The following PRKG1 variants were observed in gnomAD, a reference collection of about 807,000 sequenced individuals.
The protein encoded by PRKG1 is protein kinase cGMP-dependent 1.
PRKG1 carries 35 observed loss-of-function variants against 88.1 expected under a neutral mutation model. The ratio of observed to expected loss-of-function variants is 0.40; its 90% CI spans 0.30 to 0.53. PRKG1 has a LOEUF of 0.53. Among genes scored for constraint, PRKG1 ranks in the 20% least tolerant of loss-of-function variants. PRKG1 has a pLI of 0.59. For synonymous variants in PRKG1, 303 were observed against 292.5 expected (o/e 1.04, Z -0.37); for missense variants, 540 against 839.8 (o/e 0.64, Z 4.41).
chr10:51,191,637 A>T (rs1000300228), intron 2 of PRKG1, among the ~76,000 whole-genome samples: 6 of 151,794 alleles, frequency 4.0e-5, no homozygotes, highest in African/African-American at 1.2e-4. Context: ...GCCTTATCTT[A>T]TTTAATCCTC....
intron 3 of PRKG1, among the ~76,000 whole-genome samples, chr10:51,567,572 A>G (rs1417876730): frequency 6.6e-6 from 1 of 152,098 alleles, no homozygotes; most frequent in Non-Finnish European, 1.5e-5. Flanking sequence ...AATGCAATTA[A>G]CTGGTTATTT....
chr10:51,407,610 G>C (rs558813353), intron 2 of PRKG1, among the ~76,000 whole-genome samples: 2 of 152,284 alleles, frequency 1.3e-5, no homozygotes, highest in African/African-American at 4.8e-5. Flanking sequence ...TACCCATTCT[G>C]TATTGCCTTT....
intron 2 of PRKG1, among the ~76,000 whole-genome samples, chr10:51,350,160 A>G (rs1390316350): frequency 6.6e-6 from 1 of 152,212 alleles, no homozygotes; most frequent in African/African-American, 2.4e-5. Context: ...AGTTTCCACA[A>G]GTGGAGCTGG....
intron 3 of PRKG1, among the ~76,000 whole-genome samples, chr10:51,572,952 C>T (rs1837794837): frequency 6.6e-6 from 1 of 151,818 alleles, no homozygotes; most frequent in African/African-American, 2.4e-5. Flanking sequence ...TGTAACACAG[C>T]TCTTAAAACA....
intron 3 of PRKG1, among the ~76,000 whole-genome samples, chr10:51,556,780 A>G (rs900776492): frequency 4.6e-5 from 7 of 152,042 alleles, no homozygotes; most frequent in Admixed American, 3.3e-4. Context: ...TACTATGGTC[A>G]CTACCTGGGC....
At chr10:51,015,810 C>T (rs1166484450) in intron 1 of PRKG1, among the ~76,000 whole-genome samples, 4 of 152,118 alleles carry the variant, frequency 2.6e-5, no homozygotes, top group Non-Finnish European at 5.9e-5. Flanking sequence ...TCGCTTGAAC[C>T]TGGAAGGTGG....
At chr10:51,333,328 T>C (rs1438737678) in intron 2 of PRKG1, among the ~76,000 whole-genome samples, 1 of 152,250 alleles carries the variant, frequency 6.6e-6, no homozygotes, top group Non-Finnish European at 1.5e-5. Flanking sequence ...GTGCTTACTA[T>C]GTGCCAGGCA....
chr10:51,365,269 A>G (rs577744551), intron 2 of PRKG1, among the ~76,000 whole-genome samples: 1 of 151,930 alleles, frequency 6.6e-6, no homozygotes, highest in African/African-American at 2.4e-5. Context: ...CAACATATCT[A>G]ACAGATCCTA....
intron 6 of PRKG1, among the ~76,000 whole-genome samples, chr10:52,058,094 G>T (rs544378788): frequency 6.6e-6 from 1 of 151,820 alleles, no homozygotes; most frequent in Non-Finnish European, 1.5e-5. Flanking sequence ...TAAGAGTTTA[G>T]CAAAATCGGC....
At chr10:52,053,398 G>T (rs1370986614) in intron 5 of PRKG1, among the ~76,000 whole-genome samples, 1 of 152,160 alleles carries the variant, frequency 6.6e-6, no homozygotes, top group African/African-American at 2.4e-5. Flanking sequence ...CACTTTATGT[G>T]TTAAGAAAAA....
intron 3 of PRKG1, chr10:51,699,202 C>T (rs1480104493): frequency 9.3e-6 from 15 of 1,613,998 alleles, no homozygotes; most frequent in Non-Finnish European, 1.3e-5. Flanking sequence ...CGATGGGATC[C>T]CCATAGGGTG....
intron 3 of PRKG1, among the ~76,000 whole-genome samples, chr10:51,768,662 C>T (rs1001023791): frequency 6.6e-5 from 10 of 151,966 alleles, no homozygotes; most frequent in African/African-American, 2.2e-4. Flanking sequence ...TACATATCCT[C>T]GTCAGATAAC....
chr10:51,907,282 C>G (rs1047460314), intron 4 of PRKG1, among the ~76,000 whole-genome samples: 2 of 151,998 alleles, frequency 1.3e-5, no homozygotes, highest in Admixed American at 6.6e-5. Flanking sequence ...ATACTCCATG[C>G]CTTTTCCCTG....
At chr10:51,444,616 T>C (rs188989369) in intron 2 of PRKG1, among the ~76,000 whole-genome samples, 6 of 151,914 alleles carry the variant, frequency 3.9e-5, no homozygotes, top group Non-Finnish European at 7.4e-5. Flanking sequence ...TTTCTGCAAC[T>C]GTAATGTCAG....
chr10:51,990,849 G>T (rs964956025), intron 5 of PRKG1, among the ~76,000 whole-genome samples: 5 of 147,840 alleles, frequency 3.4e-5, no homozygotes, highest in African/African-American at 1.3e-4. Context: ...AGTTTGCAAG[G>T]CATGATGGTC....
chr10:51,364,740 A>T (rs1842554556), intron 2 of PRKG1, among the ~76,000 whole-genome samples: 1 of 151,942 alleles, frequency 6.6e-6, no homozygotes, highest in South Asian at 2.1e-4. Flanking sequence ...TGTTTCATTT[A>T]TCTGGGTTGA....
At chr10:51,897,009 T>G (rs768471518) in intron 4 of PRKG1, among the ~76,000 whole-genome samples, 1 of 152,108 alleles carries the variant, frequency 6.6e-6, no homozygotes, top group Non-Finnish European at 1.5e-5. Context: ...AATCTGGCAG[T>G]GATGTGTAAA....
rs188676685 is a variant in PRKG1 at position 51,198,753 on chromosome 10, G to A, written c.478+45423G>A. ...CATTAGCTATTTGACAAGACTATCC[G>A]GGTAGAAAGTTAGTTAGACCTGAGT... On this transcript the variant is annotated intron_variant, in intron 2 of 17. Transcript: ENST00000373980. Among the ~76,000 whole-genome samples the A allele has an allele frequency of 3.3e-5, 5 of 152,208 alleles. No homozygotes were observed. The East Asian group carries it at 9.7e-4, about 29-fold the overall frequency.
intron 3 of PRKG1, among the ~76,000 whole-genome samples, chr10:51,756,716 G>A (rs955161230): frequency 5.9e-5 from 9 of 151,936 alleles, no homozygotes; most frequent in African/African-American, 1.7e-4. Context: ...TCGGGAGGCC[G>A]AGGCAGGAGG....
Sources: gnomAD v4.1 joint callset for allele counts (sites outside exome capture counted in the v4.1 genomes callset) on GRCh38, gnomAD v4.1.1 for gene constraint, MANE v1.5 for transcripts, NCBI Gene and HGNC (gene_info 2026-07-23, HGNC 2026-07-21) for gene names.